The following PARD3B variants were observed in gnomAD, a reference collection of about 807,000 sequenced individuals.
The protein encoded by PARD3B is par-3 family cell polarity regulator beta.
A neutral mutation model predicts 130.2 loss-of-function variants in PARD3B; 103 were observed. That is an observed-to-expected ratio of 0.79 (90% CI 0.67 to 0.93). The LOEUF (loss-of-function observed/expected upper bound fraction) is 0.93. Among genes scored for constraint, PARD3B ranks in the 40% least tolerant of loss-of-function variants. The probability of loss-of-function intolerance (pLI) is 0.00; values close to 1 mark genes in which losing one functional copy is unlikely to be tolerated. For missense variants in PARD3B, 1,609 were observed against 1,499.2 expected, an observed-to-expected ratio of 1.07 and a Z score of -1.21; for synonymous variants, 583 against 553.2, an observed-to-expected ratio of 1.05 and a Z score of -0.76.
chr2:205,150,250 T>TGCGC (rs534448642), intron 10 of PARD3B, among the ~76,000 whole-genome samples: 2,581 of 92,824 alleles, frequency 0.028, 75 homozygotes, highest in African/African-American at 0.095. Flanking sequence ...TGTGTGTGTG[T>TGCGC]GTGCACACAC....
At chr2:204,945,646 A>G (rs757946639) in intron 2 of PARD3B, among the ~76,000 whole-genome samples, 9 of 152,200 alleles carry the variant, frequency 5.9e-5, no homozygotes, top group Non-Finnish European at 7.3e-5. Flanking sequence ...CTGATTTTAT[A>G]AAATTTTATT....
chr2:205,456,967 T>C (rs1366086700), intron 20 of PARD3B, among the ~76,000 whole-genome samples: 3 of 151,218 alleles, frequency 2.0e-5, no homozygotes, highest in Non-Finnish European at 3.0e-5. Context: ...ATTATATATA[T>C]TTAATTCATT....
At chr2:205,326,430 T>G (rs898253096) in intron 18 of PARD3B, among the ~76,000 whole-genome samples, 1 of 152,078 alleles carries the variant, frequency 6.6e-6, no homozygotes, top group African/African-American at 2.4e-5. Context: ...ACCCCAGAGA[T>G]GGGGTTAATC....
At chr2:205,270,860 G>A (rs1540360) in intron 16 of PARD3B, among the ~76,000 whole-genome samples, 9,825 of 152,048 alleles carry the variant, frequency 0.065, 415 homozygotes, top group East Asian at 0.21. Context: ...TCCCCCAGAC[G>A]GCTTTAACAC....
intron 21 of PARD3B, among the ~76,000 whole-genome samples, chr2:205,538,035 G>C (rs758827744): frequency 4.1e-4 from 62 of 152,060 alleles, no homozygotes; most frequent in Non-Finnish European, 7.6e-4. Flanking sequence ...TTTTCATTTA[G>C]TTGATGCTTT....
intron 2 of PARD3B, among the ~76,000 whole-genome samples, chr2:204,855,489 C>T (rs1016031221): frequency 2.0e-5 from 3 of 151,096 alleles, no homozygotes; most frequent in Non-Finnish European, 2.9e-5. Flanking sequence ...TTGCAGTGAA[C>T]CGAGATTTTG....
chr2:205,468,924 A>G (rs2048728429), intron 20 of PARD3B, among the ~76,000 whole-genome samples: 1 of 151,546 alleles, frequency 6.6e-6, no homozygotes, highest in Non-Finnish European at 1.5e-5. Context: ...GCATGATTCA[A>G]TACCATTGTA....
At chr2:205,038,683 G>A (rs570307873) in intron 3 of PARD3B, among the ~76,000 whole-genome samples, 1 of 152,276 alleles carries the variant, frequency 6.6e-6, no homozygotes, top group Admixed American at 6.5e-5. Context: ...ACTAAAAGAT[G>A]CTTTATCATG....
intron 22 of PARD3B, among the ~76,000 whole-genome samples, chr2:205,605,766 C>T (rs1396758848): frequency 6.6e-6 from 1 of 152,208 alleles, no homozygotes; most frequent in Non-Finnish European, 1.5e-5. Context: ...GCTCTGGCTG[C>T]CCCTTGGCGA....
chr2:205,108,967 C>T (rs907616560), intron 5 of PARD3B, among the ~76,000 whole-genome samples: 2 of 151,674 alleles, frequency 1.3e-5, no homozygotes, highest in East Asian at 1.9e-4. Flanking sequence ...CCAAGTAATA[C>T]CTTGCATTCA....
chr2:204,923,976 C>T (rs1207106837), intron 2 of PARD3B, among the ~76,000 whole-genome samples: 1 of 151,998 alleles, frequency 6.6e-6, no homozygotes, highest in African/African-American at 2.4e-5. Flanking sequence ...GTGTTATTTG[C>T]CTTAGTGATA....
chr2:205,412,479 G>A (rs529944896), intron 19 of PARD3B, among the ~76,000 whole-genome samples: 37 of 152,330 alleles, frequency 2.4e-4, no homozygotes, highest in African/African-American at 7.0e-4. Flanking sequence ...TTGAAGCAGA[G>A]ATTATTAAAT....
intron 21 of PARD3B, among the ~76,000 whole-genome samples, chr2:205,535,515 A>C (rs921342044): frequency 5.3e-5 from 8 of 152,186 alleles, no homozygotes; most frequent in African/African-American, 1.4e-4. Flanking sequence ...CAAACTCCAC[A>C]CAGTAATAAT....
At chr2:204,876,841 G>A (rs1017107069) in intron 2 of PARD3B, among the ~76,000 whole-genome samples, 12 of 152,170 alleles carry the variant, frequency 7.9e-5, no homozygotes, top group African/African-American at 2.2e-4. Flanking sequence ...AAATCAAAGC[G>A]CTCCACTGTA....
At chr2:204,574,851 T>G (rs1037313663) in intron 1 of PARD3B, among the ~76,000 whole-genome samples, 6 of 152,228 alleles carry the variant, frequency 3.9e-5, no homozygotes, top group African/African-American at 1.4e-4. Flanking sequence ...ACACATAGTT[T>G]CTACTCAGGT....
chr2:205,231,980 A>G (rs1407451336), intron 15 of PARD3B, among the ~76,000 whole-genome samples: 1 of 152,264 alleles, frequency 6.6e-6, no homozygotes, highest in African/African-American at 2.4e-5. Context: ...AAGATTGGAG[A>G]AAATATCTCA....
chr2:205,468,670 C>T (rs375950520), intron 20 of PARD3B, among the ~76,000 whole-genome samples: 1 of 152,262 alleles, frequency 6.6e-6, no homozygotes, highest in Admixed American at 6.5e-5. Context: ...CTGGTTCTCA[C>T]GTCTCTGCAC....
intron 19 of PARD3B, among the ~76,000 whole-genome samples, chr2:205,422,855 T>A (rs903911966): frequency 3.6e-4 from 1 of 2,806 alleles, no homozygotes; most frequent in African/African-American, 1.2e-3. Context: ...AATAGCTTGG[T>A]GAAGGGACAG....
intron 2 of PARD3B, among the ~76,000 whole-genome samples, chr2:204,836,717 A>T (rs2044048948): frequency 6.6e-6 from 1 of 152,176 alleles, no homozygotes; most frequent in South Asian, 2.1e-4. Flanking sequence ...AGAGCAAAAA[A>T]AATCGTGTAG....
Sources: allele counts gnomAD v4.1 joint callset (sites outside exome capture counted in the v4.1 genomes callset), GRCh38; gene constraint gnomAD v4.1.1; transcripts MANE v1.5; gene names NCBI Gene and HGNC (gene_info 2026-07-23, HGNC 2026-07-21).